PLD5: variants seen among roughly 807,000 people sequenced by gnomAD.
The protein encoded by PLD5 is inactive phospholipase D5.
A neutral mutation model predicts 61.1 loss-of-function variants in PLD5; 36 were observed. That is an observed-to-expected ratio of 0.59 (90% CI 0.45 to 0.78). The LOEUF (loss-of-function observed/expected upper bound fraction) is 0.78. Among genes scored for constraint, PLD5 ranks in the 30% least tolerant of loss-of-function variants. The pLI is 0.00. For synonymous variants in PLD5, 243 were observed against 242.8 expected, an observed-to-expected ratio of 1.00 and a Z score of -0.01; for missense variants, 515 against 644.4, an observed-to-expected ratio of 0.80 and a Z score of 2.17.
At chr1:242,437,982 C>G (rs754149568) in intron 1 of PLD5, among the ~76,000 whole-genome samples, 64 of 152,184 alleles carry the variant, frequency 4.2e-4, no homozygotes, top group Non-Finnish European at 1.0e-4. Flanking sequence ...CTCTTCCTTT[C>G]ATTTTAAAAA....
chr1:242,109,745 T>C (rs1661333903), intron 7 of PLD5, among the ~76,000 whole-genome samples: 1 of 152,104 alleles, frequency 6.6e-6, no homozygotes, highest in South Asian at 2.1e-4. Flanking sequence ...AAACTGAATA[T>C]TTTGAATTAT....
chr1:242,342,069 T>C (rs1659865294), intron 2 of PLD5, among the ~76,000 whole-genome samples: 1 of 152,170 alleles, frequency 6.6e-6, no homozygotes, highest in Admixed American at 6.5e-5. Flanking sequence ...CAAGACAGTA[T>C]GTTTACTCAG....
chr1:242,434,886 T>G (rs1026034851), intron 1 of PLD5, among the ~76,000 whole-genome samples: 2 of 152,174 alleles, frequency 1.3e-5, no homozygotes, highest in Admixed American at 6.5e-5. Flanking sequence ...TTAATTTTAC[T>G]TATTAAAGTT....
chr1:242,509,252 A>C (rs968097963), intron 1 of PLD5, among the ~76,000 whole-genome samples: 12 of 142,176 alleles, frequency 8.4e-5, no homozygotes, highest in African/African-American at 2.4e-4. Context: ...GATGGCATGC[A>C]CCTGTAGTCC....
intron 1 of PLD5, among the ~76,000 whole-genome samples, chr1:242,414,820 A>T (rs1056826107): frequency 2.6e-5 from 4 of 152,258 alleles, no homozygotes; most frequent in Non-Finnish European, 5.9e-5. Context: ...GGCAAAAGGC[A>T]TCCTAAGCAA....
intron 4 of PLD5, among the ~76,000 whole-genome samples, chr1:242,254,852 G>A (rs911285524): frequency 2.6e-5 from 4 of 152,182 alleles, no homozygotes; most frequent in African/African-American, 9.7e-5. Flanking sequence ...GTGGCCAAAC[G>A]AGCATAGGAT....
chr1:242,266,070 C>G (rs551077828), intron 3 of PLD5, among the ~76,000 whole-genome samples: 1 of 152,124 alleles, frequency 6.6e-6, no homozygotes, highest in South Asian at 2.1e-4. Flanking sequence ...AAATAAAAAA[C>G]AAAATCAAAA....
chr1:242,155,795 G>A (rs907364633), intron 5 of PLD5, among the ~76,000 whole-genome samples: 2 of 152,274 alleles, frequency 1.3e-5, no homozygotes, highest in Admixed American at 6.5e-5. Flanking sequence ...TAGAATAAGT[G>A]CGATGAGGTG....
intron 1 of PLD5, among the ~76,000 whole-genome samples, chr1:242,450,534 T>C (rs1666739130): frequency 6.6e-6 from 1 of 152,054 alleles, no homozygotes; most frequent in African/African-American, 2.4e-5. Context: ...TTTCCTCTCA[T>C]CAAAAAGGAA....
intron 5 of PLD5, among the ~76,000 whole-genome samples, chr1:242,130,242 G>A (rs1663127194): frequency 6.6e-6 from 1 of 152,092 alleles, no homozygotes; most frequent in Non-Finnish European, 1.5e-5. Context: ...AGTAGAGACA[G>A]GGTTTCACCA....
chr1:242,317,415 C>G (rs1440559922), intron 2 of PLD5, among the ~76,000 whole-genome samples: 1 of 152,180 alleles, frequency 6.6e-6, no homozygotes, highest in Non-Finnish European at 1.5e-5. Context: ...CTAACACATT[C>G]ACTTCATTTT....
intron 5 of PLD5, among the ~76,000 whole-genome samples, chr1:242,146,133 T>C (rs1359766462): frequency 1.3e-5 from 2 of 152,216 alleles, no homozygotes; most frequent in Admixed American, 6.5e-5. Context: ...CAGTGTTGCT[T>C]ACCAAGCTCA....
At chr1:242,422,846 CTTTTT>C (rs3033897) in intron 1 of PLD5, among the ~76,000 whole-genome samples, 107 of 129,560 alleles carry the variant, frequency 8.3e-4, no homozygotes, top group Middle Eastern at 4.1e-3. Flanking sequence ...GTATTTCTCT[CTTTTT>C]TTTTTTTTTT....
At chr1:242,504,168 C>T (rs1044730690) in intron 1 of PLD5, among the ~76,000 whole-genome samples, 12 of 152,036 alleles carry the variant, frequency 7.9e-5, no homozygotes, top group Non-Finnish European at 1.2e-4. Flanking sequence ...ATAGAATAAA[C>T]GAAGTTCGAT....
chr1:242,329,543 A>C (rs1271939601), intron 2 of PLD5, among the ~76,000 whole-genome samples: 1 of 151,974 alleles, frequency 6.6e-6, no homozygotes, highest in East Asian at 1.9e-4. Flanking sequence ...TATTCAAAAT[A>C]GAACTGCATT....
chr1:242,257,498 C>T lies in PLD5; in HGVS notation c.607+7839G>A, dbSNP rs531495000. On this transcript the variant is annotated intron_variant, in intron 4 of 9. Coordinates refer to ENST00000536534, the MANE Select transcript of PLD5 (RefSeq NM_001372062.1). ...GGTCCCCAAGCTCTAGGATGAATTTCTTTCTGTGGTTGTGTAATTGGGCTG... is the reference window on the plus strand; with the variant it reads ...GGTCCCCAAGCTCTAGGATGAATTTTTTTCTGTGGTTGTGTAATTGGGCTG... Among the ~76,000 whole-genome samples, 260 of 152,306 alleles carry T rather than the reference C, an allele frequency of 1.7e-3. 3 individuals are homozygous for T. Among genetic ancestry groups the T allele is most frequent in the African/African-American group, 6.2e-3 (257 of 41,558 alleles).
At chr1:242,442,220 C>T (rs991314536) in intron 1 of PLD5, among the ~76,000 whole-genome samples, 1 of 152,152 alleles carries the variant, frequency 6.6e-6, no homozygotes, top group Non-Finnish European at 1.5e-5. Flanking sequence ...TACCAGAGTT[C>T]CTTAAAAAAT....
chr1:242,123,966 C>T (rs1662583740), intron 6 of PLD5, among the ~76,000 whole-genome samples: 2 of 152,152 alleles, frequency 1.3e-5, no homozygotes, highest in Admixed American at 1.3e-4. Context: ...GCCTGCTTGC[C>T]CCAACCAGGT....
At chr1:242,457,994 G>T (rs11576091) in intron 1 of PLD5, among the ~76,000 whole-genome samples, 1 of 152,110 alleles carries the variant, frequency 6.6e-6, no homozygotes, top group African/African-American at 2.4e-5. Context: ...TATCACTTTA[G>T]GTTTTAGGTA....
Sources: allele counts gnomAD v4.1 joint callset (sites outside exome capture counted in the v4.1 genomes callset), GRCh38; gene constraint gnomAD v4.1.1; transcripts MANE v1.5; gene names NCBI Gene and HGNC (gene_info 2026-07-23, HGNC 2026-07-21).